Variants in SORCS2 observed in about 807,000 individuals in gnomAD.
SORCS2 encodes the protein VPS10 domain-containing receptor SorCS2.
Under a neutral mutation model 141.6 loss-of-function variants are expected in SORCS2, and 100 were observed. That is an observed-to-expected ratio of 0.71 (90% CI 0.60 to 0.83). SORCS2 has a LOEUF of 0.83. Among genes scored for constraint, SORCS2 ranks in the 40% least tolerant of loss-of-function variants. The pLI is 0.00. For synonymous variants in SORCS2, 789 were observed against 676.9 expected (o/e 1.17, Z -2.57); for missense variants, 1,646 against 1,560.2 (o/e 1.05, Z -0.93).
chr4:7,580,615 A>G (rs1456943617), intron 3 of SORCS2, among the ~76,000 whole-genome samples: 1 of 152,232 alleles, frequency 6.6e-6, no homozygotes, highest in African/African-American at 2.4e-5. Context: ...TTCTTACAGT[A>G]ACAACACTCC....
At position 7,738,472 on chromosome 4, in the gene SORCS2, G is replaced by A. The variant is rs144401207; in HGVS notation, c.3415+1300G>A. On this transcript the variant is annotated intron_variant, in intron 26 of 26. Coordinates refer to ENST00000507866, the MANE Select transcript of SORCS2 (RefSeq NM_020777.3). Reference sequence around the variant, plus strand: ...TCTTGGCAGACCCCAGGGACCCGGCGTCTCCCCTACAGTTCCTGTTCTCTC... The same window carrying A: ...TCTTGGCAGACCCCAGGGACCCGGCATCTCCCCTACAGTTCCTGTTCTCTC... Among the ~76,000 whole-genome samples, 298 of 152,280 alleles carry A rather than the reference G, an allele frequency of 2.0e-3. 1 individual carries two copies. The highest frequency in any genetic ancestry group is 6.2e-3 in the African/African-American group (257 of 41,560).
At chr4:7,424,607 A>G (rs1006655923) in intron 2 of SORCS2, among the ~76,000 whole-genome samples, 50 of 152,174 alleles carry the variant, frequency 3.3e-4, no homozygotes, top group African/African-American at 1.2e-3. Flanking sequence ...TCATGGTGGC[A>G]GGAGCGCCCC....
chr4:7,581,981 T>C lies in SORCS2; in HGVS notation c.648+50352T>C, dbSNP rs190338895. Among the ~76,000 whole-genome samples, 232 of 152,346 alleles carry C rather than the reference T, an allele frequency of 1.5e-3. 2 individuals carry two copies. The highest frequency in any genetic ancestry group is 5.2e-3 in the African/African-American group (215 of 41,584). The stretch of plus-strand genomic sequence containing the variant: ...TTTTATACTCTGAATTTTTATCATA[T>C]AAGTATCTACCCACATTATCAGGAA... On this transcript the variant is annotated intron_variant, in intron 3 of 26. Coordinates refer to ENST00000507866, the MANE Select transcript of SORCS2 (RefSeq NM_020777.3).
chr4:7,195,171 G>GGTGTGTGT (rs59264911), intron 1 of SORCS2, among the ~76,000 whole-genome samples: 1 of 142,568 alleles, frequency 7.0e-6, no homozygotes, highest in Non-Finnish European at 1.5e-5. Context: ...ACTGCTGGCA[G>GGTGTGTGT]GTGTGTGTGT....
chr4:7,561,581 TATCCATTCATCC>T (rs147963671), intron 3 of SORCS2, among the ~76,000 whole-genome samples: 48,874 of 144,948 alleles, frequency 0.34, 8,711 homozygotes, highest in African/African-American at 0.42. Context: ...CCAATCCATC[TATCCATTCATCC>T]ATCTATCCAT....
At chr4:7,560,857 C>G (rs1320938129) in intron 3 of SORCS2, among the ~76,000 whole-genome samples, 1 of 152,154 alleles carries the variant, frequency 6.6e-6, no homozygotes, top group African/African-American at 2.4e-5. Context: ...ACACTTGTTT[C>G]CCTATCGACA....
Position 7,695,642 on chromosome 4 carries a change from GGATGGATGGA to G in SORCS2, c.1592-1555_1592-1546del, listed in dbSNP as rs1296135822. ...TGGATGGATGGATGGGTGGGTGGAT[GGATGGATGGA>G]TGGATGGATGGATGGATGGATGGAT... is the stretch of plus-strand genomic sequence containing the variant. On this transcript the variant is annotated intron_variant, in intron 11 of 26. Transcript: ENST00000507866. Among the ~76,000 whole-genome samples the G allele has an allele frequency of 4.4e-4, 5 of 11,482 alleles. 1 individual carries two copies. The highest frequency in any genetic ancestry group is 9.7e-4 in the Non-Finnish European group (5 of 5,168). 7.5% of individuals were successfully genotyped at this position (11,482 alleles called of 152,430 possible).
At position 7,697,093 on chromosome 4, in the gene SORCS2, G is replaced by A. The variant is rs1053186254; in HGVS notation, c.1592-105G>A. ...AGGTCTGTGGGGGATATGGAGACCC[G>A]GGGCACTGGCCACCGTTGCTTGAGG... On this transcript the variant is annotated intron_variant, in intron 11 of 26. Coordinates refer to ENST00000507866, the MANE Select transcript of SORCS2 (RefSeq NM_020777.3). The A allele has an allele frequency of 7.2e-5, 66 of 922,214 alleles. No homozygotes were observed. The African/African-American group carries it at 8.8e-4, about 12-fold the overall frequency. The allele number at this position is 922,214 out of a possible 1,614,324, so 57.1% of individuals were successfully genotyped here. A position where few individuals can be genotyped will look rare whatever the true frequency, so the allele number is the denominator to read the frequency against.
chr4:7,218,062 G>T (rs765002451), intron 1 of SORCS2, among the ~76,000 whole-genome samples: 3 of 152,092 alleles, frequency 2.0e-5, no homozygotes, highest in Non-Finnish European at 4.4e-5. Flanking sequence ...GTGCGTGAAT[G>T]GCCAGGGTGG....
intron 1 of SORCS2, among the ~76,000 whole-genome samples, chr4:7,358,918 A>G (rs1335533292): frequency 6.6e-6 from 1 of 152,008 alleles, no homozygotes; most frequent in African/African-American, 2.4e-5. Context: ...AGCTCACTGC[A>G]GTCTCAAACT....
intron 1 of SORCS2, among the ~76,000 whole-genome samples, chr4:7,269,747 T>C (rs1277388251): frequency 6.6e-6 from 1 of 152,180 alleles, no homozygotes; most frequent in Non-Finnish European, 1.5e-5. Flanking sequence ...CACCTTAATC[T>C]CAGCCCAGTG....
At chr4:7,294,732 T>C (rs1341462921) in intron 1 of SORCS2, among the ~76,000 whole-genome samples, 1 of 50,124 alleles carries the variant, frequency 2.0e-5, no homozygotes. Flanking sequence ...CTCCTCCTCC[T>C]CCCCCTCATC....
rs759812402 is a variant in SORCS2, at chr4:7,682,812, T to G, written c.1411T>G (p.Tyr471Asp). 1 of 1,612,962 alleles carries G rather than the reference T, an allele frequency of 6.2e-7. No individual in the cohort carries two copies. Among genetic ancestry groups the G allele is most frequent in the Non-Finnish European group, 8.5e-7 (1 of 1,179,484 alleles). Residue 471 changes from tyrosine (Y) to aspartate (D), a missense_variant, in exon 10 of 27, where the codon TAC (tyrosine) becomes GAC (aspartate). Physicochemically the swap from Tyr to Asp is radical, Grantham distance 160 (BLOSUM62 -3). Coordinates refer to ENST00000507866, the MANE Select transcript of SORCS2 (RefSeq NM_020777.3). ...IDGKVMTLIT[Y>D]NKGRDWDYLR... The stretch of plus-strand genomic sequence containing the variant: ...TGGGAAAGTGATGACGCTTATAACC[T>G]ACAACAAGGGCCGCGACTGGGATTA...
chr4:7,333,184 T>C (rs1719766934), intron 1 of SORCS2, among the ~76,000 whole-genome samples: 1 of 152,178 alleles, frequency 6.6e-6, no homozygotes, highest in South Asian at 2.1e-4. Context: ...GGGCATCCCA[T>C]TTCTGACTGG....
intron 3 of SORCS2, among the ~76,000 whole-genome samples, chr4:7,565,744 G>A (rs1387160678): frequency 6.6e-6 from 1 of 151,452 alleles, no homozygotes; most frequent in African/African-American, 2.4e-5. Context: ...TGATGATGAT[G>A]TGAAAGTGAT....
intron 8 of SORCS2, among the ~76,000 whole-genome samples, chr4:7,667,631 G>A (rs1009265694): frequency 1.3e-5 from 2 of 152,166 alleles, no homozygotes; most frequent in Admixed American, 1.3e-4. Context: ...GCTCTCCTCT[G>A]ATATTGCTGG....
chr4:7,368,257 A>C (rs1471256653), intron 1 of SORCS2, among the ~76,000 whole-genome samples: 1 of 152,248 alleles, frequency 6.6e-6, no homozygotes, highest in Non-Finnish European at 1.5e-5. Flanking sequence ...TGGAGCTGGC[A>C]TCAGCAATCC....
intron 3 of SORCS2, among the ~76,000 whole-genome samples, chr4:7,586,316 TG>T (rs112240715): frequency 0.014 from 2,058 of 152,332 alleles, 14 homozygotes; most frequent in Middle Eastern, 0.024. Flanking sequence ...CCAATGACGA[TG>T]TTTTTTCTTC....
chr4:7,725,117 G>A, intron 19 of SORCS2, 37 bp from the exon 20 acceptor site: 4 of 1,601,612 alleles, frequency 2.5e-6, no homozygotes, highest in Non-Finnish European at 3.4e-6. Context: ...CCCATGCCCT[G>A]ATATCATCTA....
Sources: allele counts gnomAD v4.1 joint callset (sites outside exome capture counted in the v4.1 genomes callset), GRCh38; gene constraint gnomAD v4.1.1; transcripts MANE v1.5; gene names NCBI Gene and HGNC (gene_info 2026-07-23, HGNC 2026-07-21).